Variants in NAALAD2 observed in about 807,000 individuals in gnomAD.
The protein encoded by NAALAD2 is N-acetylated alpha-linked acidic dipeptidase 2, also known as N-acetylated-alpha-linked acidic dipeptidase 2.
Under a neutral mutation model 95.6 loss-of-function variants are expected in NAALAD2, and 89 were observed. The observed-to-expected ratio is 0.93, with a 90% confidence interval of 0.78 to 1.11. The LOEUF (loss-of-function observed/expected upper bound fraction) is 1.11. Among genes scored for constraint, NAALAD2 ranks in the 50% least tolerant of loss-of-function variants. The pLI is 0.00. For missense variants in NAALAD2, 894 were observed against 872.4 expected (o/e 1.02, Z -0.31); for synonymous variants, 264 against 294.4 (o/e 0.90, Z 1.06).
chr11:90,190,116 GA>G (rs1485820211), intron 18 of NAALAD2, among the ~76,000 whole-genome samples: 5 of 152,152 alleles, frequency 3.3e-5, no homozygotes, highest in Non-Finnish European at 5.9e-5. Flanking sequence ...GAAAATTAGG[GA>G]AAGGATTTAG....
Position 90,183,585 on chromosome 11 carries a change from C to T in NAALAD2, c.2033+577C>T, listed in dbSNP as rs185519561. Among the ~76,000 whole-genome samples the T allele has an allele frequency of 3.5e-3, 527 of 152,048 alleles. 3 individuals carry two copies. Among genetic ancestry groups the T allele is most frequent in the African/African-American group, 0.011 (455 of 41,492 alleles). ...TCAACGATGGTTAGATTTCATTTTTCGGCGTTATGATGGTGCAAAGGCAAT... is the reference window on the plus strand; with the variant it reads ...TCAACGATGGTTAGATTTCATTTTTTGGCGTTATGATGGTGCAAAGGCAAT... On this transcript the variant is annotated intron_variant, in intron 18 of 18. Coordinates refer to ENST00000534061, the MANE Select transcript of NAALAD2 (RefSeq NM_005467.4).
intron 3 of NAALAD2, among the ~76,000 whole-genome samples, chr11:90,148,612 C>G (rs1305196476): frequency 6.6e-6 from 1 of 151,848 alleles, no homozygotes; most frequent in Non-Finnish European, 1.5e-5. Flanking sequence ...TGAAGTGTCG[C>G]AGGGAGGGAG....
chr11:90,147,377 T>G lies in NAALAD2; in HGVS notation c.242T>G (p.Leu81Trp). ...PHLAGTEQNF[L>W]LAKKIQTQWK... ...CTGGCAGGAACAGAACAAAATTTCT[T>G]GCTTGCCAAGAAAATCCAAACCCAG... is the stretch of plus-strand genomic sequence containing the variant. The change falls in exon 3 of 19, where the codon TTG becomes TGG. Residue 81 changes from leucine (L) to tryptophan (W), a missense_variant. By Grantham distance (61) the Leu-to-Trp change is moderately conservative. Coordinates refer to ENST00000534061, the MANE Select transcript of NAALAD2 (RefSeq NM_005467.4). The G allele has an allele frequency of 1.2e-6, 2 of 1,614,076 alleles. No homozygotes were observed. The highest frequency in any genetic ancestry group is 1.7e-6 in the Non-Finnish European group (2 of 1,179,996).
chr11:90,159,953 TAAAA>T (rs759940395), intron 8 of NAALAD2, among the ~76,000 whole-genome samples: 7 of 75,446 alleles, frequency 9.3e-5, no homozygotes, highest in East Asian at 4.6e-4. Context: ...AAACTCCATC[TAAAA>T]AAAAAAAAAA....
chr11:90,146,840 A>G (rs1268672257), intron 2 of NAALAD2, among the ~76,000 whole-genome samples: 1 of 152,178 alleles, frequency 6.6e-6, no homozygotes, highest in Admixed American at 6.5e-5. Context: ...GCACTAGGGG[A>G]TATGAAAAAT....
chr11:90,155,156 GTA>G (rs1435396650), intron 6 of NAALAD2, among the ~76,000 whole-genome samples: 1 of 127,374 alleles, frequency 7.9e-6, no homozygotes, highest in Non-Finnish European at 1.6e-5. Context: ...ATATATGTGT[GTA>G]TATATATTAT....
At chr11:90,155,349 ATATTACATG>A (rs1225726695) in intron 6 of NAALAD2, among the ~76,000 whole-genome samples, 2 of 115,814 alleles carry the variant, frequency 1.7e-5, no homozygotes, top group Non-Finnish European at 3.2e-5. Flanking sequence ...TATATATTAT[ATATTACATG>A]TATAATATGT....
chr11:90,191,858 T>G lies in NAALAD2; in HGVS notation c.*111T>G, dbSNP rs1857338352. 3.6e-6 allele frequency: 3 copies of G among 824,002 alleles called. No individual in the cohort carries two copies. Among genetic ancestry groups the G allele is most frequent in the Non-Finnish European group, 5.1e-6 (3 of 584,744 alleles). The allele number at this position is 824,002 out of a possible 1,614,324, so 51.0% of individuals were successfully genotyped here. A position where few individuals can be genotyped will look rare whatever the true frequency, so the allele number is the denominator to read the frequency against. ...GTTCTAAACTCTTTTCATGTCATGT[T>G]TTGATTATAGGCTTTGGTCTTTTCA... On this transcript the variant is annotated 3_prime_UTR_variant, in exon 19 of 19. Transcript: ENST00000534061.
chr11:90,180,084 T>C (rs1469701626), intron 16 of NAALAD2, among the ~76,000 whole-genome samples: 1 of 151,792 alleles, frequency 6.6e-6, no homozygotes, highest in African/African-American at 2.4e-5. Flanking sequence ...AATGAATGAA[T>C]GAATGAATGA....
intron 2 of NAALAD2, among the ~76,000 whole-genome samples, chr11:90,143,985 T>C (rs1951685484): frequency 6.6e-6 from 1 of 152,182 alleles, no homozygotes; most frequent in African/African-American, 2.4e-5. Context: ...AATGTTCTTA[T>C]TAAATTTCAG....
intron 18 of NAALAD2, among the ~76,000 whole-genome samples, chr11:90,190,236 T>C (rs931498051): frequency 5.3e-5 from 8 of 152,202 alleles, no homozygotes; most frequent in Non-Finnish European, 7.3e-5. Context: ...ATCACCATCA[T>C]TTTTAAGATA....
At chr11:90,180,775 G>T (rs900140772) in intron 16 of NAALAD2, among the ~76,000 whole-genome samples, 2 of 151,874 alleles carry the variant, frequency 1.3e-5, no homozygotes, top group Non-Finnish European at 2.9e-5. Flanking sequence ...CTGCATCCAT[G>T]TATTCAACCA....
intron 11 of NAALAD2, among the ~76,000 whole-genome samples, chr11:90,168,304 C>A (rs1409186539): frequency 6.6e-6 from 1 of 152,188 alleles, no homozygotes; most frequent in Non-Finnish European, 1.5e-5. Context: ...CGGTAACACT[C>A]ACCGCGAGGG....
At chr11:90,149,566 C>G (rs1248821314) in intron 4 of NAALAD2, among the ~76,000 whole-genome samples, 3 of 152,142 alleles carry the variant, frequency 2.0e-5, no homozygotes, top group Non-Finnish European at 4.4e-5. Flanking sequence ...TCCCGCGTAG[C>G]TGGGACCACA....
rs372098348 is a variant in NAALAD2, at chr11:90,165,571, CAG to C, written c.1278+1957_1278+1958del. Among the ~76,000 whole-genome samples the C allele has an allele frequency of 4.1e-3, 621 of 152,280 alleles. 5 individuals are homozygous for C. Among genetic ancestry groups the C allele is most frequent in the Non-Finnish European group, 5.7e-3 (387 of 68,014 alleles). On this transcript the variant is annotated intron_variant, in intron 11 of 18. Transcript: ENST00000534061. ...AGGAATAATATGAATTAAACAAATA[CAG>C]AGGGGGTAAAAATCCCACTCACAAT...
intron 6 of NAALAD2, among the ~76,000 whole-genome samples, chr11:90,157,367 A>G (rs137935487): frequency 1.3e-5 from 2 of 152,292 alleles, no homozygotes; most frequent in South Asian, 2.1e-4. Flanking sequence ...CACAGTTCCA[A>G]TGAGGTTTTA....
chr11:90,183,005 A>G lies in NAALAD2; in HGVS notation c.2030A>G (p.Tyr677Cys), dbSNP rs1029885187. 2.5e-6 allele frequency: 4 copies of G among 1,611,272 alleles called. No individual in the cohort carries two copies. Among genetic ancestry groups the G allele is most frequent in the Non-Finnish European group, 3.4e-6 (4 of 1,177,614 alleles). Residue 677 changes from tyrosine (Y) to cysteine (C), a missense_variant, in exon 18 of 19, where the codon TAT becomes TGT. Tyr to Cys is a radical substitution (Grantham distance 194). Transcript: ENST00000534061. ...CTTGGTTTACCAGGAAAGCTGTTCT[A>G]TAGGTAAGGAAACAACAGGCGCCAA... is the stretch of plus-strand genomic sequence containing the variant. ...DPLGLPGKLF[Y>C]RHIIFAPSSH...
In NAALAD2 at chr11:90,169,940, T is replaced by C. The variant is rs767670040; in HGVS notation, c.1343-129T>C. 2.5e-5 allele frequency: 17 copies of C among 681,856 alleles called. No individual in the cohort carries two copies. In the Admixed American group the frequency reaches 3.8e-4, roughly 15 times the overall value. 42.2% of individuals were successfully genotyped at this position (681,856 alleles called of 1,614,324 possible). A position where few individuals can be genotyped will look rare whatever the true frequency, so the allele number is the denominator to read the frequency against. ...AACTATTTCCACCCTGTTTTATTCT[T>C]TGGGAATAAAATCTTTGATTTGAAG... On this transcript the variant is annotated intron_variant, in intron 12 of 18. Transcript: ENST00000534061.
intron 14 of NAALAD2, 118 bp from the exon 15 acceptor site, chr11:90,175,854 A>C (rs1480121584): frequency 2.1e-6 from 1 of 478,434 alleles, no homozygotes; most frequent in East Asian, 3.3e-5. Context: ...TATAAATGTA[A>C]TATATAATTC....
Sources: allele counts gnomAD v4.1 joint callset (sites outside exome capture counted in the v4.1 genomes callset), GRCh38; gene constraint gnomAD v4.1.1; transcripts MANE v1.5; gene names NCBI Gene and HGNC (gene_info 2026-07-23, HGNC 2026-07-21).